The following RFFL variants were observed in gnomAD, a reference collection of about 807,000 sequenced individuals.
RFFL encodes E3 ubiquitin-protein ligase rififylin.
Under a neutral mutation model 40.4 loss-of-function variants are expected in RFFL, and 16 were observed. The ratio of observed to expected loss-of-function variants is 0.40; its 90% CI spans 0.27 to 0.60. The LOEUF is 0.60. RFFL is among the 20% of genes least tolerant of loss of function. The probability of loss-of-function intolerance (pLI) is 0.47; values close to 1 mark genes in which losing one functional copy is unlikely to be tolerated. For synonymous variants in RFFL, 154 were observed against 167.9 expected (o/e 0.92, Z 0.64); for missense variants, 367 against 451.7 (o/e 0.81, Z 1.70).
intron 1 of RFFL, among the ~76,000 whole-genome samples, chr17:35,087,364 G>C (rs1420650054): frequency 6.6e-6 from 1 of 151,852 alleles, no homozygotes; most frequent in Non-Finnish European, 1.5e-5. Context: ...AAAAAAAAAA[G>C]GTGTTCCTAT....
chr17:35,032,026 C>T (rs1018091607), intron 1 of RFFL, among the ~76,000 whole-genome samples: 1 of 148,580 alleles, frequency 6.7e-6, no homozygotes, highest in African/African-American at 2.5e-5. Context: ...ACCCAGGAGG[C>T]GGAGCTTGCA....
At chr17:35,057,478 G>A (rs2091267908) in intron 1 of RFFL, among the ~76,000 whole-genome samples, 1 of 151,372 alleles carries the variant, frequency 6.6e-6, no homozygotes, top group Non-Finnish European at 1.5e-5. Context: ...TTCTCAGACT[G>A]CAGTTCACCT....
chr17:35,026,458 A>G lies in RFFL; in HGVS notation c.96T>C (p.Pro32=). Residue 32 remains proline (P), a synonymous_variant, in exon 2 of 7, where the codon CCT becomes CCC. Coordinates refer to ENST00000394597, the MANE Select transcript of RFFL (RefSeq NM_001017368.2). ...TTGGGGAAGGGAAGGAGCTGTACCC[A>G]GGGTTGGAATAGGCCTGCATCCTGG... ...QGARMQAYSN[P]GYSSFPSPTG... is the part of the protein sequence containing the mutation. 1 of 1,613,866 alleles carries G rather than the reference A, an allele frequency of 6.2e-7. No individual in the cohort carries two copies. Among genetic ancestry groups the G allele is most frequent in the Non-Finnish European group, 8.5e-7 (1 of 1,179,896 alleles).
At chr17:35,074,218 T>C (rs764112277) in intron 1 of RFFL, 4 of 152,200 alleles carry the variant, frequency 2.6e-5, no homozygotes, top group Admixed American at 1.3e-4. Context: ...CAGACAATCA[T>C]AAAAGACACA....
intron 3 of RFFL, 100 bp downstream of exon 3, chr17:35,021,271 T>G: frequency 8.2e-7 from 1 of 1,212,736 alleles, no homozygotes; most frequent in Non-Finnish European, 1.1e-6. Context: ...ATCAAGACAC[T>G]TAGCCTTATA....
chr17:35,036,855 A>T (rs1468054817), intron 1 of RFFL, among the ~76,000 whole-genome samples: 3 of 152,246 alleles, frequency 2.0e-5, no homozygotes, highest in Non-Finnish European at 4.4e-5. Context: ...TGCCCAAGGC[A>T]AATGATTTAA....
At chr17:35,056,518 C>G (rs1465151796) in intron 1 of RFFL, among the ~76,000 whole-genome samples, 1 of 151,784 alleles carries the variant, frequency 6.6e-6, no homozygotes, top group Non-Finnish European at 1.5e-5. Context: ...GCTGGGATTA[C>G]AGGCATGCAC....
intron 2 of RFFL, among the ~76,000 whole-genome samples, chr17:35,024,195 C>T (rs537171508): frequency 4.5e-4 from 69 of 152,294 alleles, no homozygotes; most frequent in African/African-American, 1.6e-3. Context: ...TCTGCTGGCT[C>T]CCGTTTGCCA....
intron 1 of RFFL, 128 bp from the exon 2 acceptor site, chr17:35,026,689 G>A (rs1045055084): frequency 1.1e-5 from 8 of 706,254 alleles, no homozygotes; most frequent in Admixed American, 6.5e-5. Flanking sequence ...AGGGGAGGAT[G>A]TGTTTTCAAA....
upstream of RFFL, chr17:35,063,747 T>C (rs118073397): frequency 3.5e-3 from 530 of 152,324 alleles, 3 homozygotes; most frequent in Non-Finnish European, 6.0e-3. Context: ...GTAAGCAAGA[T>C]TGCAACACAG....
At chr17:35,022,599 G>A (rs1464082743) in intron 2 of RFFL, among the ~76,000 whole-genome samples, 1 of 152,198 alleles carries the variant, frequency 6.6e-6, no homozygotes, top group African/African-American at 2.4e-5. Flanking sequence ...GTCTGTTGGA[G>A]GCTAATGCCC....
chr17:35,075,331 C>T (rs183653479), intron 1 of RFFL, among the ~76,000 whole-genome samples: 1 of 152,344 alleles, frequency 6.6e-6, no homozygotes, highest in African/African-American at 2.4e-5. Context: ...AACCTAGACA[C>T]ATGCAATACC....
intron 1 of RFFL, among the ~76,000 whole-genome samples, chr17:35,046,125 C>T (rs963587736): frequency 2.0e-5 from 3 of 151,034 alleles, no homozygotes; most frequent in Admixed American, 6.6e-5. Context: ...ATACCTTGAA[C>T]GAAAGACTGA....
chr17:35,012,258 A>G, intron 6 of RFFL, 109 bp from the exon 7 acceptor site: 1 of 917,982 alleles, frequency 1.1e-6, no homozygotes, highest in East Asian at 2.7e-5. Context: ...GTACATTGTA[A>G]ACAAAGTCTC....
At chr17:35,037,402 C>T (rs1489033404) in intron 1 of RFFL, among the ~76,000 whole-genome samples, 1 of 152,196 alleles carries the variant, frequency 6.6e-6, no homozygotes, top group African/African-American at 2.4e-5. Flanking sequence ...CAATTAAAGA[C>T]AATTGCAATG....
At chr17:35,032,434 A>T (rs2142334790) in intron 1 of RFFL, among the ~76,000 whole-genome samples, 1 of 152,152 alleles carries the variant, frequency 6.6e-6, no homozygotes, top group African/African-American at 2.4e-5. Context: ...ATGAACTAGC[A>T]GACGAGAGAA....
At position 35,034,432 on chromosome 17, in the gene RFFL, TC is replaced by T. The variant is rs530245035; in HGVS notation, c.-8-7872del. 4.9e-3 allele frequency among the ~76,000 whole-genome samples: 744 copies of T among 152,138 alleles called. 5 individuals carry two copies. The highest frequency in any genetic ancestry group is 0.016 in the African/African-American group (660 of 41,502). On this transcript the variant is annotated intron_variant, in intron 1 of 6. Transcript: ENST00000394597. ...AAGGAATCTACAGGTTGTAAATTTT[TC>T]CTAAAAGGACTTTGCACAAAATAGG...
intron 1 of RFFL, among the ~76,000 whole-genome samples, chr17:35,072,061 G>A (rs993365235): frequency 3.3e-5 from 5 of 151,948 alleles, no homozygotes; most frequent in African/African-American, 7.2e-5. Context: ...CGGACAAATC[G>A]CTTGAGCTCA....
intron 1 of RFFL, among the ~76,000 whole-genome samples, chr17:35,045,761 C>T (rs183981240): frequency 3.3e-5 from 5 of 152,122 alleles, no homozygotes; most frequent in African/African-American, 7.2e-5. Context: ...CAGTGGCTCA[C>T]GCCTGTAATC....
Sources: gnomAD v4.1 joint callset for allele counts (sites outside exome capture counted in the v4.1 genomes callset) on GRCh38, gnomAD v4.1.1 for gene constraint, MANE v1.5 for transcripts, NCBI Gene and HGNC (gene_info 2026-07-23, HGNC 2026-07-21) for gene names.